Variants in GLIS3 observed in about 807,000 individuals in gnomAD.
The protein encoded by GLIS3 is GLIS family zinc finger 3, also known as zinc finger protein GLIS3.
In GLIS3, 53 loss-of-function variants were observed where a neutral mutation model predicts 78.6. The observed-to-expected ratio is 0.67, with a 90% CI of 0.54 to 0.85. The LOEUF is 0.85. Ranked by LOEUF, GLIS3 falls within the 40% of genes least tolerant of loss-of-function variation. GLIS3 has a pLI of 0.00. For missense variants in GLIS3, 1,703 were observed against 1,231.1 expected (o/e 1.38, Z -5.74); for synonymous variants, 684 against 509.9 (o/e 1.34, Z -4.60).
intron 4 of GLIS3, among the ~76,000 whole-genome samples, chr9:3,964,169 G>A (rs1292447634): frequency 1.3e-5 from 2 of 151,742 alleles, no homozygotes; most frequent in Non-Finnish European, 2.9e-5. Flanking sequence ...ACAGATTGAT[G>A]GGACTAATTT....
At chr9:4,074,419 T>G (rs959433187) in intron 4 of GLIS3, among the ~76,000 whole-genome samples, 3 of 152,192 alleles carry the variant, frequency 2.0e-5, no homozygotes, top group Non-Finnish European at 4.4e-5. Flanking sequence ...TGTTAGTAAT[T>G]TATGGAAGGC....
chr9:4,102,639 C>G (rs947446051), intron 4 of GLIS3, among the ~76,000 whole-genome samples: 1 of 152,054 alleles, frequency 6.6e-6, no homozygotes, highest in African/African-American at 2.4e-5. Context: ...TCCAAAATGT[C>G]AATAGTGCTG....
the GLIS3 span, among the ~76,000 whole-genome samples, chr9:4,415,336 C>A: frequency 1.3e-5 from 2 of 152,302 alleles, no homozygotes; most frequent in Admixed American, 1.3e-4. Context: ...ACATCAGGAA[C>A]CTCAACATTA....
intron 2 of GLIS3, among the ~76,000 whole-genome samples, chr9:4,190,130 C>G (rs1818202024): frequency 6.6e-6 from 1 of 152,184 alleles, no homozygotes; most frequent in Non-Finnish European, 1.5e-5. Flanking sequence ...GAGCGCCTCT[C>G]CTCCTCCAAA....
upstream of GLIS3, among the ~76,000 whole-genome samples, chr9:4,301,758 C>G (rs182877164): frequency 6.6e-6 from 1 of 152,148 alleles, no homozygotes; most frequent in East Asian, 1.9e-4. Flanking sequence ...ATGATGGGAA[C>G]AGCTTAGCTG....
chr9:4,223,691 A>G (rs1821521501), intron 2 of GLIS3, among the ~76,000 whole-genome samples: 1 of 152,182 alleles, frequency 6.6e-6, no homozygotes. Context: ...AAACTCCCTT[A>G]GGCTTCTGGC....
At chr9:4,130,432 A>G (rs2130932968) in intron 2 of GLIS3, among the ~76,000 whole-genome samples, 1 of 152,320 alleles carries the variant, frequency 6.6e-6, no homozygotes, top group Middle Eastern at 3.4e-3. Flanking sequence ...GGGAAGAATG[A>G]TTTTATGGGC....
the GLIS3 span, among the ~76,000 whole-genome samples, chr9:4,361,936 A>G: frequency 6.6e-6 from 1 of 152,238 alleles, no homozygotes; most frequent in East Asian, 1.9e-4. Context: ...TCTTCTCCTC[A>G]TCCAAAAGAA....
chr9:4,342,444 C>T (rs545194653), intron 2 of GLIS3, among the ~76,000 whole-genome samples: 1 of 152,118 alleles, frequency 6.6e-6, no homozygotes, highest in Non-Finnish European at 1.5e-5. Flanking sequence ...TATTCTGTTC[C>T]ATTGGTCTAT....
At chr9:4,011,541 C>G (rs910092277) in intron 4 of GLIS3, among the ~76,000 whole-genome samples, 2 of 152,128 alleles carry the variant, frequency 1.3e-5, no homozygotes, top group African/African-American at 2.4e-5. Flanking sequence ...TACGGGCAGC[C>G]CATTCACAAA....
chr9:4,134,280 G>C (rs1414393630), intron 2 of GLIS3, among the ~76,000 whole-genome samples: 1 of 152,098 alleles, frequency 6.6e-6, no homozygotes, highest in Non-Finnish European at 1.5e-5. Flanking sequence ...ATTATTTTTA[G>C]TTCTAAGCAC....
intron 4 of GLIS3, among the ~76,000 whole-genome samples, chr9:4,115,549 T>G (rs1831574137): frequency 6.6e-6 from 1 of 152,132 alleles, no homozygotes; most frequent in Admixed American, 6.5e-5. Flanking sequence ...AACCAGGTAT[T>G]CTATCTGTGG....
intron 2 of GLIS3, among the ~76,000 whole-genome samples, chr9:4,135,904 A>G (rs1392555657): frequency 6.6e-6 from 1 of 152,160 alleles, no homozygotes; most frequent in South Asian, 2.1e-4. Context: ...TAGGCTTGCT[A>G]TGTAGTGTTT....
intron 7 of GLIS3, 41 bp downstream of exon 7, chr9:3,898,650 A>T: frequency 6.2e-7 from 1 of 1,613,722 alleles, no homozygotes; most frequent in Non-Finnish European, 8.5e-7. Flanking sequence ...AAAGGCCTAA[A>T]AAAGGGTAGT....
chr9:4,352,354 G>A (rs139607473), upstream of GLIS3, among the ~76,000 whole-genome samples: 9 of 152,370 alleles, frequency 5.9e-5, no homozygotes, highest in African/African-American at 2.2e-4. Flanking sequence ...CCTTTGTGTA[G>A]AGTCCCTTGG....
chr9:3,938,438 G>A (rs1245078718), intron 4 of GLIS3, among the ~76,000 whole-genome samples: 2 of 152,150 alleles, frequency 1.3e-5, no homozygotes, highest in East Asian at 3.9e-4. Context: ...TACTATAATA[G>A]ATGGTAGAGG....
At chr9:4,193,860 T>C (rs1349115510) in intron 2 of GLIS3, among the ~76,000 whole-genome samples, 1 of 152,184 alleles carries the variant, frequency 6.6e-6, no homozygotes, top group African/African-American at 2.4e-5. Flanking sequence ...AAGTCACTTT[T>C]CATGTGCCAA....
At chr9:4,366,209 C>A in the GLIS3 span, among the ~76,000 whole-genome samples, 3 of 152,146 alleles carry the variant, frequency 2.0e-5, no homozygotes, top group Admixed American at 2.0e-4. Flanking sequence ...GTATTTAAAC[C>A]AACCAAAGCA....
At chr9:4,201,545 C>T (rs1819396562) in intron 2 of GLIS3, among the ~76,000 whole-genome samples, 1 of 152,138 alleles carries the variant, frequency 6.6e-6, no homozygotes, top group Admixed American at 6.5e-5. Context: ...TAATAACATT[C>T]AAGCTGAGAG....
Sources: allele counts gnomAD v4.1 joint callset (sites outside exome capture counted in the v4.1 genomes callset), GRCh38; gene constraint gnomAD v4.1.1; transcripts MANE v1.5; gene names NCBI Gene and HGNC (gene_info 2026-07-23, HGNC 2026-07-21).